Variants in LIN7C observed in about 807,000 individuals in gnomAD.
The protein encoded by LIN7C is lin-7 cell polarity scaffold C.
A neutral mutation model predicts 24.7 loss-of-function variants in LIN7C; 17 were observed. The ratio of observed to expected loss-of-function variants is 0.69; its 90% confidence interval spans 0.47 to 1.03. The LOEUF (loss-of-function observed/expected upper bound fraction) is 1.03. Among genes scored for constraint, LIN7C ranks in the 50% least tolerant of loss-of-function variants. The probability of loss-of-function intolerance (pLI) is 0.00; values close to 1 mark genes in which losing one functional copy is unlikely to be tolerated. For synonymous variants in LIN7C, 90 were observed against 83.4 expected, an observed-to-expected ratio of 1.08 and a Z score of -0.43; for missense variants, 204 against 239.0, an observed-to-expected ratio of 0.85 and a Z score of 0.97.
intron 3 of LIN7C, 63 bp from the exon 4 acceptor site, chr11:27,499,631 G>A (rs1865202779): frequency 6.9e-7 from 1 of 1,448,554 alleles, no homozygotes; most frequent in African/African-American, 1.4e-5. Context: ...TTCATCTTTT[G>A]TTTCCCCCCG....
rs1393522704 is a variant in LIN7C at position 27,501,803 on chromosome 11, T to C, written c.155A>G (p.Glu52Gly). 3 of 1,586,832 alleles carry C rather than the reference T, an allele frequency of 1.9e-6. No individual in the cohort carries two copies. In the South Asian group the frequency reaches 3.3e-5, roughly 18 times the overall value. ...LQSEFCNAVREVYEHVYETVD... is the reference protein window; with the variant it reads ...LQSEFCNAVRGVYEHVYETVD... ...TAAATTTTAATGATGTTTACTCACC[T>C]CTCTCACAGCATTGCAGAATTCACT... Residue 52 changes from glutamate to glycine, a missense_variant and splice_region_variant, in exon 2 of 5, where the codon GAG (glutamate) becomes GGG (glycine). Glu to Gly is a moderately conservative substitution (Grantham distance 98). Transcript: ENST00000278193.
rs536164105 is a variant in LIN7C at position 27,502,733 on chromosome 11, GAGTTC to G, written c.38-818_38-814del. 3.3e-4 allele frequency among the ~76,000 whole-genome samples: 51 copies of G among 152,248 alleles called. 2 individuals carry two copies. In the South Asian group the frequency reaches 9.3e-3, roughly 28 times the overall value. On this transcript the variant is annotated intron_variant, in intron 1 of 4. Transcript: ENST00000278193. ...TATAAGGGTTATGAGGAAGAGTTAT[GAGTTC>G]AGTTAACAACTGAACCACAAAATAC...
At chr11:27,501,437 ATATTTTAAACTTCTAATTTATGAAGAATT>A in intron 3 of LIN7C, 29 bp downstream of exon 3, 1 of 1,034,026 alleles carries the variant, frequency 9.7e-7, no homozygotes, top group Non-Finnish European at 1.5e-6. Flanking sequence ...TAATAACTCC[ATATTTTAAACTTCTAATTTATGAAGAATT>A]CTTACTTTTG....
chr11:27,498,758 G>T lies in LIN7C; in HGVS notation c.485C>A (p.Ala162Asp). 1 of 1,613,880 alleles carries T rather than the reference G, an allele frequency of 6.2e-7. No homozygotes were observed. Among genetic ancestry groups the T allele is most frequent in the African/African-American group, 1.3e-5 (1 of 74,990 alleles). ...HHEKAVELLK[A>D]AQGKVKLVVR... is the part of the protein sequence containing the mutation. The stretch of plus-strand genomic sequence containing the variant: ...CACTAATTTAACCTTTCCTTGTGCG[G>T]CTTTCAGCAGTTCTACAGCTTTTTC... The change falls in exon 5 of 5, where the codon GCC becomes GAC. Residue 162 changes from alanine (A) to aspartate (D), a missense_variant. This residue lies in a region of LIN7C where 74 missense variants were observed against 99.6 expected (regional missense o/e 0.74). Transcript: ENST00000278193.
intron 1 of LIN7C, among the ~76,000 whole-genome samples, chr11:27,503,945 G>A (rs1203710547): frequency 6.6e-6 from 1 of 152,108 alleles, no homozygotes; most frequent in Non-Finnish European, 1.5e-5. Context: ...AGTCTCCCGA[G>A]TAGCTGGGAC....
intron 1 of LIN7C, among the ~76,000 whole-genome samples, chr11:27,504,954 A>G (rs1565114826): frequency 1.4e-5 from 2 of 147,224 alleles, no homozygotes; most frequent in Admixed American, 6.7e-5. Flanking sequence ...GAAGAACAGA[A>G]AAGAAATCTG....
chr11:27,502,355 C>G (rs1177668122), intron 1 of LIN7C, among the ~76,000 whole-genome samples: 1 of 152,076 alleles, frequency 6.6e-6, no homozygotes. Flanking sequence ...AAGCACTGAA[C>G]AGTACAAGGC....
intron 1 of LIN7C, among the ~76,000 whole-genome samples, chr11:27,504,447 G>C (rs1865254091): frequency 6.6e-6 from 1 of 152,182 alleles, no homozygotes; most frequent in Non-Finnish European, 1.5e-5. Context: ...ATCAGGCACT[G>C]TATTGTAATT....
chr11:27,506,617 G>C (rs1299737676), intron 1 of LIN7C, 99 bp downstream of exon 1: 1 of 1,375,272 alleles, frequency 7.3e-7, no homozygotes, highest in East Asian at 2.3e-5. Context: ...GGACAGCGTG[G>C]CCCGGATCTC....
At chr11:27,505,941 G>A (rs1865282881) in intron 1 of LIN7C, among the ~76,000 whole-genome samples, 2 of 152,204 alleles carry the variant, frequency 1.3e-5, no homozygotes, top group Non-Finnish European at 2.9e-5. Context: ...CTGGAATGCT[G>A]GAAATCATGG....
At position 27,498,645 on chromosome 11, in the gene LIN7C, T is replaced by C. The variant is rs756712341; in HGVS notation, c.*4A>G. ...CAAAATGAAATATCAAGTTTTGAAA[T>C]GTATTAGGTCTGTTGCCTGCGTTTT... On this transcript the variant is annotated 3_prime_UTR_variant, in exon 5 of 5. Transcript: ENST00000278193. 1.1e-5 allele frequency: 17 copies of C among 1,595,836 alleles called. No individual in the cohort carries two copies. The Admixed American group carries it at 1.4e-4, about 13-fold the overall frequency.
At chr11:27,504,888 C>A (rs1415820017) in intron 1 of LIN7C, among the ~76,000 whole-genome samples, 2 of 152,146 alleles carry the variant, frequency 1.3e-5, no homozygotes, top group South Asian at 4.1e-4. Flanking sequence ...ATATGGAACC[C>A]ATGGATATGG....
At chr11:27,501,754 T>C (rs1865228581) in intron 2 of LIN7C, 48 bp downstream of exon 2, 1 of 1,201,728 alleles carries the variant, frequency 8.3e-7, no homozygotes, top group Non-Finnish European at 1.2e-6. Context: ...GAGTATTATC[T>C]GACCTAATTA....
chr11:27,502,145 G>C (rs144547522), intron 1 of LIN7C, among the ~76,000 whole-genome samples: 2 of 152,274 alleles, frequency 1.3e-5, no homozygotes, highest in Non-Finnish European at 2.9e-5. Flanking sequence ...ACAGTAGATA[G>C]GAAAAACTAC....
In LIN7C at chr11:27,501,479, A is replaced by G. The variant is rs769347453; in HGVS notation, c.228+16T>C. 5.7e-5 allele frequency: 89 copies of G among 1,555,276 alleles called. No individual in the cohort carries two copies. Among genetic ancestry groups the G allele is most frequent in the Non-Finnish European group, 6.8e-5 (78 of 1,143,640 alleles). ...TTTATGAAGAATTCTTACTTTTGGA[A>G]AACAAAAAAATTTACCTTTGCAGTA... On this transcript the variant is annotated intron_variant, in intron 3 of 4. Coordinates refer to ENST00000278193, the MANE Select transcript of LIN7C (RefSeq NM_018362.4).
intron 3 of LIN7C, 97 bp downstream of exon 3, chr11:27,501,398 T>C (rs955151552): frequency 1.3e-6 from 1 of 761,014 alleles, no homozygotes; most frequent in South Asian, 1.6e-5. Context: ...AGATACATGT[T>C]AGTCTTCAAA....
At position 27,498,608 on chromosome 11, in the gene LIN7C, C is replaced by G. The variant is rs765117073; in HGVS notation, c.*41G>C. 6.3e-7 allele frequency: 1 copy of G among 1,586,432 alleles called. No individual in the cohort carries two copies. Among genetic ancestry groups the G allele is most frequent in the African/African-American group, 1.4e-5 (1 of 73,702 alleles). On this transcript the variant is annotated 3_prime_UTR_variant, in exon 5 of 5. Transcript: ENST00000278193. ...TTAGTAAGTCACAAGGAAAACTTCT[C>G]TAGCTAAAACGCAAAATGAAATATC...
chr11:27,500,933 G>A (rs761222716), intron 3 of LIN7C, among the ~76,000 whole-genome samples: 11 of 152,104 alleles, frequency 7.2e-5, no homozygotes, highest in African/African-American at 2.4e-4. Context: ...TTAAGTCACC[G>A]ACTGCTGATA....
In LIN7C at chr11:27,495,649, A is replaced by G. The variant is rs1209017660; in HGVS notation, c.*3000T>C. The G allele has an allele frequency of 6.6e-6, 1 of 152,034 alleles. No homozygotes were observed. Among genetic ancestry groups the G allele is most frequent in the Non-Finnish European group, 1.5e-5 (1 of 68,028 alleles). 9.4% of individuals were successfully genotyped at this position (152,034 alleles called of 1,614,324 possible). On this transcript the variant is annotated 3_prime_UTR_variant, in exon 5 of 5. Transcript: ENST00000278193. The stretch of plus-strand genomic sequence containing the variant: ...TTTAAACATGCTTTCTCAAATAACA[A>G]ACACGTATTTTTGTAAGTTTTAAAG...
Sources: allele counts gnomAD v4.1 joint callset (sites outside exome capture counted in the v4.1 genomes callset), GRCh38; gene constraint gnomAD v4.1.1; regional missense constraint gnomAD v4.1.1; transcripts MANE v1.5; gene names NCBI Gene and HGNC (gene_info 2026-07-23, HGNC 2026-07-21).